Variants in LARP1B observed in about 807,000 individuals in gnomAD.
LARP1B encodes la-related protein 1B.
Under a neutral mutation model 114.2 loss-of-function variants are expected in LARP1B, and 76 were observed. That is an observed-to-expected ratio of 0.67 (90% CI 0.55 to 0.81). The LOEUF (loss-of-function observed/expected upper bound fraction) is 0.81, where lower values mean the gene tolerates loss of function less well. Ranked by LOEUF, LARP1B falls within the 30% of genes least tolerant of loss-of-function variation. LARP1B has a pLI of 0.00. For missense variants in LARP1B, 1,014 were observed against 1,075.8 expected (o/e 0.94, Z 0.80); for synonymous variants, 345 against 348.0 (o/e 0.99, Z 0.10).
intron 11 of LARP1B, among the ~76,000 whole-genome samples, chr4:128,136,329 CAAAAA>C (rs952024151): frequency 4.1e-5 from 6 of 146,492 alleles, no homozygotes; most frequent in African/African-American, 1.0e-4. Context: ...AACAAAAAAA[CAAAAA>C]AACAAAACAA....
At chr4:128,060,940 T>C (rs1010563338), upstream of LARP1B, among the ~76,000 whole-genome samples, 3 of 152,068 alleles carry the variant, frequency 2.0e-5, no homozygotes, top group Admixed American at 6.5e-5. Flanking sequence ...TAAGGGCAAA[T>C]CGAGCGCTCG....
At chr4:128,093,474 T>C (rs1441872297) in intron 7 of LARP1B, among the ~76,000 whole-genome samples, 1 of 151,784 alleles carries the variant, frequency 6.6e-6, no homozygotes, top group Non-Finnish European at 1.5e-5. Flanking sequence ...CGGGCGCCTG[T>C]AGTCCCAGCT....
At position 128,138,502 on chromosome 4, in the gene LARP1B, A is replaced by T. The variant is rs144290111; in HGVS notation, c.1524+16314A>T. On this transcript the variant is annotated intron_variant, in intron 11 of 19. Coordinates refer to ENST00000326639, the MANE Select transcript of LARP1B (RefSeq NM_018078.4). ...AATGAATAATTTCAGGAATGCACAAATATTTCCAGAGAATAGAGCTAATAA... is the reference window on the plus strand; with the variant it reads ...AATGAATAATTTCAGGAATGCACAATTATTTCCAGAGAATAGAGCTAATAA... Among the ~76,000 whole-genome samples, 4 of 152,332 alleles carry T rather than the reference A, an allele frequency of 2.6e-5. No homozygotes were observed. The East Asian group carries it at 7.7e-4, about 29-fold the overall frequency.
At chr4:128,124,933 G>A (rs1789078192) in intron 11 of LARP1B, among the ~76,000 whole-genome samples, 1 of 152,162 alleles carries the variant, frequency 6.6e-6, no homozygotes, top group Admixed American at 6.5e-5. Context: ...AATTGATAGG[G>A]CAGTTTAGTA....
intron 13 of LARP1B, 116 bp downstream of exon 13, chr4:128,177,023 C>T (rs1480929071): frequency 1.1e-6 from 1 of 930,058 alleles, no homozygotes; most frequent in African/African-American, 1.6e-5. Context: ...AGATATGGAA[C>T]AAGGAACAGG....
intron 5 of LARP1B, among the ~76,000 whole-genome samples, chr4:128,086,093 A>G (rs527271551): frequency 6.9e-5 from 10 of 144,280 alleles, no homozygotes; most frequent in East Asian, 2.0e-4. Context: ...GGCTCGCTGC[A>G]AGTTCCGCCT....
chr4:128,133,952 C>T (rs1248339560), intron 11 of LARP1B, among the ~76,000 whole-genome samples: 2 of 151,922 alleles, frequency 1.3e-5, no homozygotes, highest in Non-Finnish European at 2.9e-5. Flanking sequence ...CTGTCTCAGC[C>T]TCCCAAAGTG....
chr4:128,112,317 G>A (rs1282433976), intron 9 of LARP1B, among the ~76,000 whole-genome samples: 1 of 151,742 alleles, frequency 6.6e-6, no homozygotes, highest in East Asian at 1.9e-4. Context: ...TATGCTCAGT[G>A]TAAAAATTAA....
intron 9 of LARP1B, among the ~76,000 whole-genome samples, chr4:128,113,236 G>A (rs1784698791): frequency 6.6e-6 from 1 of 151,924 alleles, no homozygotes; most frequent in African/African-American, 2.4e-5. Context: ...AGTTCATATT[G>A]CATCTTCAGA....
At chr4:128,156,262 C>G in intron 11 of LARP1B, 8 of 1,109,010 alleles carry the variant, frequency 7.2e-6, no homozygotes, top group Non-Finnish European at 1.1e-5. Flanking sequence ...CTCCCCTTCC[C>G]CCACCAGTCC....
chr4:128,186,886 G>C (rs1053161297), intron 15 of LARP1B, among the ~76,000 whole-genome samples: 2 of 152,130 alleles, frequency 1.3e-5, no homozygotes, highest in Non-Finnish European at 2.9e-5. Flanking sequence ...TGGCTAAAAG[G>C]GGCCCAGATA....
At chr4:128,063,190 G>A (rs1760968220) in intron 1 of LARP1B, among the ~76,000 whole-genome samples, 1 of 151,850 alleles carries the variant, frequency 6.6e-6, no homozygotes, top group African/African-American at 2.4e-5. Context: ...ACTTTGGGAG[G>A]CCGAGGCGGG....
At chr4:128,067,456 A>G (rs763096972) in intron 1 of LARP1B, among the ~76,000 whole-genome samples, 1 of 152,206 alleles carries the variant, frequency 6.6e-6, no homozygotes, top group African/African-American at 2.4e-5. Context: ...GAAATTATGA[A>G]TTTTCTCTAC....
At chr4:128,182,545 C>T (rs1748898096) in intron 15 of LARP1B, among the ~76,000 whole-genome samples, 1 of 152,198 alleles carries the variant, frequency 6.6e-6, no homozygotes, top group Non-Finnish European at 1.5e-5. Flanking sequence ...GGCTGCTCCA[C>T]TGACTGGCCA....
intron 4 of LARP1B, among the ~76,000 whole-genome samples, chr4:128,079,989 T>C (rs1034750060): frequency 6.6e-6 from 1 of 151,238 alleles, no homozygotes; most frequent in Non-Finnish European, 1.5e-5. Flanking sequence ...AATTTGTCTT[T>C]TTTTTTTTTT....
At position 128,203,343 on chromosome 4, in the gene LARP1B, C is replaced by CTCTTT. The variant is rs1229824250; in HGVS notation, c.2309+2690_2309+2694dup. On this transcript the variant is annotated intron_variant, in intron 17 of 19. Transcript: ENST00000326639. Reference sequence around the variant, plus strand: ...TCTCCCTCCCTCCCTCCCTCCCTCCCTCTTTTCTTTTCTTTTTCCTCCCTC... The same window carrying CTCTTT: ...TCTCCCTCCCTCCCTCCCTCCCTCCCTCTTTTCTTTTCTTTTCTTTTTCCTCCCTC... Among the ~76,000 whole-genome samples, 6 of 144,762 alleles carry CTCTTT rather than the reference C, an allele frequency of 4.1e-5. No individual in the cohort carries two copies. The East Asian group carries it at 1.2e-3, about 30-fold the overall frequency. 95.0% of individuals were successfully genotyped at this position (144,762 alleles called of 152,430 possible).
intron 7 of LARP1B, among the ~76,000 whole-genome samples, chr4:128,095,489 C>CAAA (rs11311661): frequency 9.8e-5 from 6 of 61,264 alleles, no homozygotes; most frequent in Non-Finnish European, 2.0e-4. Flanking sequence ...AACTCCATCT[C>CAAA]AAAAAAAAAA....
intron 11 of LARP1B, among the ~76,000 whole-genome samples, chr4:128,142,514 T>C (rs992510594): frequency 5.3e-5 from 8 of 151,520 alleles, no homozygotes; most frequent in African/African-American, 9.7e-5. Context: ...TTCTTTCTTT[T>C]TTTTTTTTTT....
At chr4:128,065,309 CTT>C (rs1269725620) in intron 1 of LARP1B, among the ~76,000 whole-genome samples, 1,783 of 97,660 alleles carry the variant, frequency 0.018, 40 homozygotes, top group Non-Finnish European at 0.026. Flanking sequence ...TTCTTTCTTT[CTT>C]TCTTTCTCTC....
Sources: allele counts gnomAD v4.1 joint callset (sites outside exome capture counted in the v4.1 genomes callset), GRCh38; gene constraint gnomAD v4.1.1; transcripts MANE v1.5; gene names NCBI Gene and HGNC (gene_info 2026-07-23, HGNC 2026-07-21).